SLC30A8: variants seen among roughly 807,000 people sequenced by gnomAD.
SLC30A8 encodes the protein proton-coupled zinc antiporter SLC30A8.
SLC30A8 carries 27 observed loss-of-function variants against 36.9 expected under a neutral mutation model. The observed-to-expected ratio is 0.73, with a 90% confidence interval of 0.54 to 1.01. The LOEUF is 1.01. Among genes scored for constraint, SLC30A8 ranks in the 50% least tolerant of loss-of-function variants. The pLI, the probability that SLC30A8 is intolerant of heterozygous loss-of-function variation, is 0.00. For synonymous variants in SLC30A8, 164 were observed against 172.4 expected, an observed-to-expected ratio of 0.95 and a Z score of 0.38; for missense variants, 439 against 452.0, an observed-to-expected ratio of 0.97 and a Z score of 0.26.
At chr8:117,129,625 G>T (rs1231809650) in intron 2 of SLC30A8, among the ~76,000 whole-genome samples, 1 of 151,888 alleles carries the variant, frequency 6.6e-6, no homozygotes, top group South Asian at 2.1e-4. Flanking sequence ...TTATATATAT[G>T]TAATACCTAA....
At chr8:116,969,371 T>C (rs1417234813) in intron 1 of SLC30A8, among the ~76,000 whole-genome samples, 1 of 152,166 alleles carries the variant, frequency 6.6e-6, no homozygotes, top group Non-Finnish European at 1.5e-5. Context: ...TGAGTCCAGA[T>C]TGTGCCACTG....
intron 2 of SLC30A8, among the ~76,000 whole-genome samples, chr8:117,091,930 G>A (rs549774057): frequency 1.3e-5 from 2 of 152,230 alleles, no homozygotes; most frequent in South Asian, 2.1e-4. Context: ...ATGATTCTTA[G>A]GGACAGGCAA....
chr8:117,139,100 G>GT (rs1426548909), intron 1 of SLC30A8, among the ~76,000 whole-genome samples: 1 of 152,012 alleles, frequency 6.6e-6, no homozygotes, highest in Non-Finnish European at 1.5e-5. Context: ...AGAAAAAGAG[G>GT]TAAAAAATGC....
chr8:117,065,404 T>C (rs945714360), intron 2 of SLC30A8, among the ~76,000 whole-genome samples: 3 of 152,176 alleles, frequency 2.0e-5, no homozygotes, highest in Non-Finnish European at 2.9e-5. Flanking sequence ...GAAAACTTTT[T>C]CCCCTTATTT....
intron 2 of SLC30A8, among the ~76,000 whole-genome samples, chr8:117,080,357 G>T (rs1186169084): frequency 6.6e-6 from 1 of 151,668 alleles, no homozygotes; most frequent in Admixed American, 6.6e-5. Flanking sequence ...TAGATTCGGG[G>T]ATACACACGT....
intron 1 of SLC30A8, among the ~76,000 whole-genome samples, chr8:116,956,495 T>G (rs1814208444): frequency 1.3e-5 from 2 of 152,222 alleles, no homozygotes; most frequent in Non-Finnish European, 2.9e-5. Context: ...AGTAAAAACT[T>G]CACTTTCTAG....
At chr8:116,996,034 A>G (rs890522727) in intron 1 of SLC30A8, among the ~76,000 whole-genome samples, 54 of 152,286 alleles carry the variant, frequency 3.5e-4, no homozygotes, top group African/African-American at 1.3e-3. Flanking sequence ...TGATCTGCCC[A>G]TTGCATCCTT....
intron 6 of SLC30A8, among the ~76,000 whole-genome samples, chr8:117,164,496 G>C (rs1398137411): frequency 3.9e-5 from 6 of 152,218 alleles, no homozygotes; most frequent in African/African-American, 1.2e-4. Context: ...ATCGCTTGAG[G>C]CTGGGAGGCA....
intron 4 of SLC30A8, 59 bp from the exon 5 acceptor site, chr8:117,161,679 G>T (rs773334958): frequency 2.6e-6 from 4 of 1,515,488 alleles, no homozygotes; most frequent in Non-Finnish European, 3.6e-6. Context: ...TCTCCATTAT[G>T]CTGCCTACGT....
At chr8:117,071,577 T>C (rs754779888) in intron 2 of SLC30A8, among the ~76,000 whole-genome samples, 1 of 152,186 alleles carries the variant, frequency 6.6e-6, no homozygotes, top group Non-Finnish European at 1.5e-5. Flanking sequence ...TGTCTATTTT[T>C]TCTTTTGTTG....
intron 1 of SLC30A8, among the ~76,000 whole-genome samples, chr8:116,992,019 G>A (rs1815662833): frequency 6.6e-6 from 1 of 152,248 alleles, no homozygotes; most frequent in South Asian, 2.1e-4. Context: ...TGGTTCTGGC[G>A]AATACTTCTG....
intron 2 of SLC30A8, among the ~76,000 whole-genome samples, chr8:117,075,864 C>G (rs955176010): frequency 1.3e-5 from 2 of 152,142 alleles, no homozygotes; most frequent in African/African-American, 4.8e-5. Flanking sequence ...CCACATTTGT[C>G]TAGTCTCTTC....
rs544820163 is a variant in SLC30A8 at position 116,964,317 on chromosome 8, C to G, written c.-266+13198C>G. ...CAGAATATTCTAATGAACTAAAACCCAAGATTGCTGTTAATTTAAAGCAGA... is the reference window on the plus strand; with the variant it reads ...CAGAATATTCTAATGAACTAAAACCGAAGATTGCTGTTAATTTAAAGCAGA... On this transcript the variant is annotated intron_variant, in intron 1 of 10. Coordinates refer to the SLC30A8 transcript ENST00000427715. 6.4e-4 allele frequency among the ~76,000 whole-genome samples: 98 copies of G among 152,220 alleles called. 1 individual carries two copies. The highest frequency in any genetic ancestry group is 2.4e-3 in the African/African-American group (98 of 41,530).
chr8:117,156,371 G>A (rs950730538), intron 3 of SLC30A8, among the ~76,000 whole-genome samples: 2 of 152,050 alleles, frequency 1.3e-5, no homozygotes, highest in Non-Finnish European at 2.9e-5. Flanking sequence ...ATATAAATTT[G>A]GGGGGAACAT....
intron 2 of SLC30A8, among the ~76,000 whole-genome samples, chr8:117,102,593 CA>C (rs1362801747): frequency 6.6e-6 from 1 of 152,160 alleles, no homozygotes; most frequent in Non-Finnish European, 1.5e-5. Context: ...AAGCCATCAA[CA>C]GAGACATGCT....
At chr8:117,082,169 A>C (rs1338619339) in intron 2 of SLC30A8, among the ~76,000 whole-genome samples, 2 of 152,222 alleles carry the variant, frequency 1.3e-5, no homozygotes, top group Non-Finnish European at 1.5e-5. Flanking sequence ...TCAATTATTA[A>C]AGTAGGTGAA....
At position 117,062,340 on chromosome 8, in the gene SLC30A8, G is replaced by T. The variant is rs372457909; in HGVS notation, c.-226+23082G>T. The stretch of plus-strand genomic sequence containing the variant: ...TCATGGTTCTGCAGGCTGTCCATGC[G>T]TGGCAAAAGCATCTGCTCAGCTTCT... On this transcript the variant is annotated intron_variant, in intron 2 of 10. Transcript: ENST00000427715. 2.0e-5 allele frequency among the ~76,000 whole-genome samples: 3 copies of T among 152,284 alleles called. No homozygotes were observed. The East Asian group carries it at 5.8e-4, about 29-fold the overall frequency.
At chr8:116,976,058 T>G (rs1229264558) in intron 1 of SLC30A8, among the ~76,000 whole-genome samples, 1 of 152,070 alleles carries the variant, frequency 6.6e-6, no homozygotes, top group African/African-American at 2.4e-5. Flanking sequence ...CCAGAAGAGA[T>G]CTTGGGAATA....
intron 2 of SLC30A8, among the ~76,000 whole-genome samples, chr8:117,122,626 A>C (rs1311578986): frequency 6.6e-6 from 1 of 152,006 alleles, no homozygotes; most frequent in South Asian, 2.1e-4. Flanking sequence ...AGATGAATGC[A>C]CAGTTGAGGT....
Sources: allele counts gnomAD v4.1 joint callset (sites outside exome capture counted in the v4.1 genomes callset), GRCh38; gene constraint gnomAD v4.1.1; transcripts MANE v1.5; gene names NCBI Gene and HGNC (gene_info 2026-07-23, HGNC 2026-07-21).